ABCA12: variants seen among roughly 807,000 people sequenced by gnomAD.
ABCA12 encodes glucosylceramide transporter ABCA12.
Under a neutral mutation model 293.5 loss-of-function variants are expected in ABCA12, and 156 were observed. The observed-to-expected ratio is 0.53, with a 90% CI of 0.47 to 0.61. The LOEUF is 0.61. Ranked by LOEUF, ABCA12 falls within the 20% of genes least tolerant of loss-of-function variation. The pLI is 0.00. For synonymous variants in ABCA12, 1,063 were observed against 1,108.0 expected, an observed-to-expected ratio of 0.96 and a Z score of 0.81; for missense variants, 2,797 against 3,090.2, an observed-to-expected ratio of 0.91 and a Z score of 2.25.
chr2:215,032,076 T>G, intron 8 of ABCA12, 180 bp from the exon 9 acceptor site: 1 of 1,468,106 alleles, frequency 6.8e-7, no homozygotes, highest in Non-Finnish European at 9.0e-7. Context: ...TTTGTGATAT[T>G]TATAGGAAAT....
At chr2:214,933,990 A>G in intron 52 of ABCA12, 88 bp downstream of exon 52, 2 of 1,399,720 alleles carry the variant, frequency 1.4e-6, no homozygotes, top group Middle Eastern at 2.4e-4. Flanking sequence ...ATTAAAAACA[A>G]ATTGAATGTA....
chr2:215,122,658 G>A (rs1702832399), intron 1 of ABCA12, among the ~76,000 whole-genome samples: 1 of 152,182 alleles, frequency 6.6e-6, no homozygotes, highest in Non-Finnish European at 1.5e-5. Context: ...GTGTGATCCA[G>A]TAGCGAAACA....
rs764851518 is a variant in ABCA12, at chr2:215,000,800, A to C, written c.3084T>G (p.Ile1028Met). The change falls in exon 22 of 53, where the codon ATT becomes ATG. Residue 1028 changes from isoleucine (I) to methionine (M), a missense_variant. Transcript: ENST00000272895. The part of the protein sequence containing the change: ...GRAFIYLQDS[I>M]ERAIIELQTG... ...TTTGCAATTCAATGATTGCTCTTTCAATACTATCCTGTAAATAAATAAAAG... is the reference window on the plus strand; with the variant it reads ...TTTGCAATTCAATGATTGCTCTTTCCATACTATCCTGTAAATAAATAAAAG... The C allele has an allele frequency of 1.7e-5, 28 of 1,614,006 alleles. No homozygotes were observed. The highest frequency in any genetic ancestry group is 2.1e-5 in the Non-Finnish European group (25 of 1,179,984).
At chr2:215,036,912 TG>T (rs1170229280) in intron 8 of ABCA12, 40 bp downstream of exon 8, 1 of 1,548,424 alleles carries the variant, frequency 6.5e-7, no homozygotes, top group Non-Finnish European at 8.9e-7. Context: ...CAATGGGCTT[TG>T]TGACACTGAA....
intron 38 of ABCA12, 92 bp downstream of exon 38, chr2:214,968,628 C>A: frequency 8.2e-7 from 1 of 1,213,210 alleles, no homozygotes; most frequent in Non-Finnish European, 1.2e-6. Flanking sequence ...TCGATTGTAC[C>A]CATATTTTGT....
Position 215,026,882 on chromosome 2 carries a change from G to C in ABCA12, c.1118C>G (p.Pro373Arg). ...CACACATGCCAAGTAAGGAATATAA[G>C]GACTATTTGCTGATATATTTAAGAG... is the stretch of plus-strand genomic sequence containing the variant. ...DALLNISANS[P>R]YIPYLACVRN... is the part of the protein sequence containing the mutation. The change falls in exon 10 of 53, where the codon CCT (proline) becomes CGT (arginine). Residue 373 changes from proline to arginine, a missense_variant. Transcript: ENST00000272895. The C allele has an allele frequency of 6.2e-7, 1 of 1,613,622 alleles. No homozygotes were observed. The highest frequency in any genetic ancestry group is 1.7e-5 in the Admixed American group (1 of 60,014).
intron 35 of ABCA12, 80 bp from the exon 36 acceptor site, chr2:214,974,122 T>C: frequency 1.6e-6 from 2 of 1,284,480 alleles, no homozygotes; most frequent in South Asian, 2.4e-5. Context: ...TAAACAAGTA[T>C]TTGGTATTAA....
chr2:215,110,593 C>T (rs897724185), intron 2 of ABCA12, among the ~76,000 whole-genome samples: 22 of 152,198 alleles, frequency 1.4e-4, no homozygotes, highest in African/African-American at 5.3e-4. Flanking sequence ...AGTTTAAATG[C>T]TTTCCACTAA....
At chr2:215,052,048 T>A (rs932259796) in intron 5 of ABCA12, among the ~76,000 whole-genome samples, 1 of 152,138 alleles carries the variant, frequency 6.6e-6, no homozygotes, top group African/African-American at 2.4e-5. Flanking sequence ...AAGTAAGCTC[T>A]CTAAAATACG....
intron 17 of ABCA12, 95 bp from the exon 18 acceptor site, chr2:215,010,565 A>C (rs1450548615): frequency 1.5e-6 from 2 of 1,350,164 alleles, no homozygotes; most frequent in Non-Finnish European, 2.1e-6. Flanking sequence ...ATCACACCCA[A>C]AAATACATGC....
intron 50 of ABCA12, among the ~76,000 whole-genome samples, chr2:214,938,049 GCA>G (rs1244523870): frequency 1.3e-5 from 2 of 151,978 alleles, no homozygotes; most frequent in Non-Finnish European, 2.9e-5. Flanking sequence ...GTGGTTTGCT[GCA>G]CCCACCAACC....
At chr2:215,005,193 A>G (rs1358834704) in intron 19 of ABCA12, among the ~76,000 whole-genome samples, 2 of 152,228 alleles carry the variant, frequency 1.3e-5, no homozygotes, top group Non-Finnish European at 2.9e-5. Context: ...CTATGGCTAA[A>G]GAAGCTATGT....
intron 43 of ABCA12, 77 bp from the exon 44 acceptor site, chr2:214,954,184 G>T: frequency 6.8e-7 from 1 of 1,478,222 alleles, no homozygotes; most frequent in Non-Finnish European, 9.3e-7. Flanking sequence ...CTAGATGGAT[G>T]TAGACAAATA....
At chr2:214,948,259 C>G (rs1698641928) in intron 47 of ABCA12, among the ~76,000 whole-genome samples, 1 of 152,166 alleles carries the variant, frequency 6.6e-6, no homozygotes, top group Admixed American at 6.6e-5. Flanking sequence ...CAGTGCTAAT[C>G]CAAACACTAA....
intron 8 of ABCA12, among the ~76,000 whole-genome samples, chr2:215,033,854 T>C (rs1280867099): frequency 6.6e-6 from 1 of 151,936 alleles, no homozygotes; most frequent in East Asian, 1.9e-4. Flanking sequence ...AGCAGGAGAA[T>C]GGCGTGAACC....
chr2:215,077,347 C>T (rs1418724320), intron 2 of ABCA12, among the ~76,000 whole-genome samples: 2 of 152,192 alleles, frequency 1.3e-5, no homozygotes, highest in Non-Finnish European at 2.9e-5. Context: ...AGCTTACCTA[C>T]AAGCCAGTTC....
intron 51 of ABCA12, among the ~76,000 whole-genome samples, chr2:214,936,514 A>G (rs1179618372): frequency 6.6e-6 from 1 of 152,244 alleles, no homozygotes; most frequent in Non-Finnish European, 1.5e-5. Context: ...CAATCATTTG[A>G]AATCATCTTC....
chr2:215,087,484 C>T (rs1351419286), intron 2 of ABCA12, among the ~76,000 whole-genome samples: 2 of 44,682 alleles, frequency 4.5e-5, no homozygotes, highest in Non-Finnish European at 8.8e-5. Flanking sequence ...TGCATACAGG[C>T]TTCGTGTGTG....
chr2:214,938,611 T>A (rs1698298462), intron 50 of ABCA12, among the ~76,000 whole-genome samples: 1 of 152,154 alleles, frequency 6.6e-6, no homozygotes. Context: ...TTTCTCCACA[T>A]CCTCTCCAGC....
Sources: gnomAD v4.1 joint callset for allele counts (sites outside exome capture counted in the v4.1 genomes callset) on GRCh38, gnomAD v4.1.1 for gene constraint, MANE v1.5 for transcripts, NCBI Gene and HGNC (gene_info 2026-07-23, HGNC 2026-07-21) for gene names.